The following POF1B variants were observed in gnomAD, a reference collection of about 807,000 sequenced individuals.
POF1B encodes the protein protein POF1B.
In POF1B, 53 loss-of-function variants were observed where a neutral mutation model predicts 55.3. The ratio of observed to expected loss-of-function variants is 0.96; its 90% confidence interval spans 0.77 to 1.20. The LOEUF is 1.20. Ranked by LOEUF, POF1B falls within the 50% of genes most tolerant of loss-of-function variation. POF1B has a pLI of 0.00. For synonymous variants in POF1B, 188 were observed against 148.3 expected (o/e 1.27, Z -1.95); for missense variants, 478 against 420.5 (o/e 1.14, Z -1.20).
intron 13 of POF1B, 42 bp downstream of exon 13, chrX:85,305,749 T>G (rs751010310): frequency 1.7e-6 from 2 of 1,163,939 alleles, no homozygotes; most frequent in Admixed American, 2.5e-5. Context: ...GCTAGAAAGT[T>G]TGTGCTGACC....
At chrX:85,285,546 C>G (rs778391138) in intron 15 of POF1B, among the ~76,000 whole-genome samples, 1 of 106,905 alleles carries the variant, frequency 9.4e-6, no homozygotes, top group East Asian at 3.0e-4. Flanking sequence ...CAAACTACCG[C>G]AAGGACAGAA....
chrX:85,283,477 G>A (rs1931956676), intron 15 of POF1B, among the ~76,000 whole-genome samples: 1 of 109,836 alleles, frequency 9.1e-6, no homozygotes, highest in African/African-American at 3.3e-5. Flanking sequence ...ATTACAAAAA[G>A]ACCGATAAAT....
intron 15 of POF1B, among the ~76,000 whole-genome samples, chrX:85,286,855 A>C (rs1281509683): frequency 9.0e-6 from 1 of 111,478 alleles, no homozygotes; most frequent in African/African-American, 3.2e-5. Context: ...ATAGAACTGA[A>C]AGGAGAAATA....
Position 85,293,495 on chromosome X carries a change from G to A in POF1B, c.1649+9911C>T, listed in dbSNP as rs368022810. Among the ~76,000 whole-genome samples the A allele has an allele frequency of 2.7e-5, 3 of 111,628 alleles. No homozygotes were observed. The East Asian group carries it at 8.5e-4, about 32-fold the overall frequency. On this transcript the variant is annotated intron_variant, in intron 15 of 16. Transcript: ENST00000262753. ...AGAACACATGGACATGTAGAGAGGA[G>A]CAACACACACTTGGCCTTTTAGAAG...
chrX:85,340,358 C>A (rs752050124), intron 6 of POF1B, among the ~76,000 whole-genome samples: 1 of 110,846 alleles, frequency 9.0e-6, no homozygotes, highest in South Asian at 3.8e-4. Context: ...AAGATCATTG[C>A]TGAACTGGCT....
intron 16 of POF1B, among the ~76,000 whole-genome samples, chrX:85,280,573 A>G (rs770808936): frequency 9.0e-6 from 1 of 111,663 alleles, no homozygotes; most frequent in Non-Finnish European, 1.9e-5. Context: ...CACAAGGATA[A>G]CCATTTCTTC....
In POF1B at chrX:85,310,377, A is replaced by T. The variant is rs148425840; in HGVS notation, c.958-2161T>A. Among the ~76,000 whole-genome samples, 462 of 112,092 alleles carry T rather than the reference A, an allele frequency of 4.1e-3. 5 individuals carry two copies. The highest frequency in any genetic ancestry group is 0.014 in the African/African-American group (432 of 30,914). On this transcript the variant is annotated intron_variant, in intron 9 of 16. Transcript: ENST00000262753. ...CAGCAAATAAATAGAAGACATAAAGAATACCTAAATGGAAATTTTAGAACT... is the reference window on the plus strand; with the variant it reads ...CAGCAAATAAATAGAAGACATAAAGTATACCTAAATGGAAATTTTAGAACT...
At chrX:85,379,058 A>G in intron 2 of POF1B, 115 bp downstream of exon 2, 2 of 865,246 alleles carry the variant, frequency 2.3e-6, no homozygotes, top group Non-Finnish European at 3.2e-6. Flanking sequence ...GGCATATATA[A>G]CTGCAATCCA....
chrX:85,319,728 G>A (rs1415594721), intron 7 of POF1B, among the ~76,000 whole-genome samples: 3 of 111,295 alleles, frequency 2.7e-5, no homozygotes, highest in Non-Finnish European at 5.7e-5. Context: ...CTACTTGACT[G>A]TGGTGTGGAT....
At chrX:85,295,288 A>G (rs947669491) in intron 15 of POF1B, among the ~76,000 whole-genome samples, 2 of 110,999 alleles carry the variant, frequency 1.8e-5, no homozygotes, top group Non-Finnish European at 1.9e-5. Context: ...TTGTTTTTCT[A>G]GTTCCATTAG....
chrX:85,294,599 A>T (rs1375192915), intron 15 of POF1B, among the ~76,000 whole-genome samples: 1 of 111,907 alleles, frequency 8.9e-6, no homozygotes, highest in Non-Finnish European at 1.9e-5. Context: ...TTTTTGTTGT[A>T]CTGCTGGATT....
chrX:85,379,416 G>A lies in POF1B; in HGVS notation c.39C>T (p.Ser13=). The A allele has an allele frequency of 8.3e-7, 1 of 1,209,097 alleles. No homozygotes were observed. Among genetic ancestry groups the A allele is most frequent in the Non-Finnish European group, 1.1e-6 (1 of 894,751 alleles). ...CCTCTGGGAGCTGCTGGGTTCCACA[G>A]CTGCTGCTGCTCGTCTCACTCCAAT... The part of the protein sequence containing the change: ...SSYWSETSSS[S]CGTQQLPEVL... The change falls in exon 2 of 17, where the codon AGC becomes AGT. Residue 13 remains serine, a synonymous_variant. Coordinates refer to ENST00000262753, the MANE Select transcript of POF1B (RefSeq NM_024921.4).
chrX:85,363,465 C>G (rs1173762043), intron 3 of POF1B, among the ~76,000 whole-genome samples: 1 of 111,625 alleles, frequency 9.0e-6, no homozygotes, highest in Admixed American at 9.6e-5. Context: ...TCATTAGTTT[C>G]AAAGAACTTC....
At chrX:85,284,419 C>CAG (rs899944722) in intron 15 of POF1B, among the ~76,000 whole-genome samples, 3 of 111,891 alleles carry the variant, frequency 2.7e-5, no homozygotes, top group African/African-American at 9.7e-5. Context: ...TACAATGCTA[C>CAG]AGTAACCAAA....
chrX:85,317,436 T>C (rs1402241157), intron 7 of POF1B, among the ~76,000 whole-genome samples: 2 of 109,889 alleles, frequency 1.8e-5, no homozygotes, highest in Non-Finnish European at 3.8e-5. Context: ...TACCAGAATC[T>C]GTCATTTTTT....
chrX:85,301,400 C>T (rs1932450736), intron 15 of POF1B, among the ~76,000 whole-genome samples: 1 of 111,572 alleles, frequency 9.0e-6, no homozygotes, highest in African/African-American at 3.3e-5. Flanking sequence ...CCAGCAAAAC[C>T]ATTCTTCAAA....
intron 11 of POF1B, 56 bp from the exon 12 acceptor site, chrX:85,306,389 T>C: frequency 9.2e-7 from 1 of 1,083,353 alleles, no homozygotes; most frequent in Non-Finnish European, 1.3e-6. Context: ...GGTGAGGGAG[T>C]GTTCTTTTTA....
chrX:85,281,039 C>G (rs754935839), intron 16 of POF1B, among the ~76,000 whole-genome samples: 6 of 110,435 alleles, frequency 5.4e-5, no homozygotes, highest in Non-Finnish European at 1.1e-4. Flanking sequence ...CTAAATGTCC[C>G]GTAAGGTACA....
intron 7 of POF1B, among the ~76,000 whole-genome samples, chrX:85,320,577 G>T (rs1244714974): frequency 1.3e-4 from 14 of 111,066 alleles, no homozygotes; most frequent in Admixed American, 1.3e-3. Flanking sequence ...CAGAAGGCAA[G>T]AAATAACTAA....
Sources: gnomAD v4.1 joint callset for allele counts (sites outside exome capture counted in the v4.1 genomes callset) on GRCh38, gnomAD v4.1.1 for gene constraint, MANE v1.5 for transcripts, NCBI Gene and HGNC (gene_info 2026-07-23, HGNC 2026-07-21) for gene names.